The following RASGRP3 variants were observed in gnomAD, a reference collection of about 807,000 sequenced individuals.
RASGRP3 encodes the protein RAS guanyl releasing protein 3, also known as ras guanyl-releasing protein 3.
Under a neutral mutation model 82.7 loss-of-function variants are expected in RASGRP3, and 54 were observed. That is an observed-to-expected ratio of 0.65 (90% CI 0.52 to 0.82). The LOEUF is 0.82. RASGRP3 is among the 40% of genes least tolerant of loss of function. The probability of loss-of-function intolerance (pLI) is 0.00; values close to 1 mark genes in which losing one functional copy is unlikely to be tolerated. For synonymous variants in RASGRP3, 309 were observed against 300.5 expected (o/e 1.03, Z -0.29); for missense variants, 861 against 828.9 (o/e 1.04, Z -0.48).
At chr2:33,521,266 C>A (rs17013215) in intron 6 of RASGRP3, among the ~76,000 whole-genome samples, 6 of 151,960 alleles carry the variant, frequency 3.9e-5, no homozygotes, top group Non-Finnish European at 8.8e-5. Context: ...ATTAGGTAAC[C>A]GGTGCAATTA....
intron 2 of RASGRP3, among the ~76,000 whole-genome samples, chr2:33,450,909 C>G (rs1451335516): frequency 1.6e-5 from 2 of 124,980 alleles, no homozygotes; most frequent in South Asian, 5.6e-4. Context: ...ATGATCTCGG[C>G]TCACTGCAAA....
chr2:33,533,665 C>T (rs1418925071), intron 10 of RASGRP3: 1 of 152,274 alleles, frequency 6.6e-6, no homozygotes, highest in Non-Finnish European at 1.5e-5. Flanking sequence ...TGCTTGAACC[C>T]AGCCCTGCCT....
At chr2:33,497,658 A>T (rs1156431614) in intron 1 of RASGRP3, among the ~76,000 whole-genome samples, 1 of 152,216 alleles carries the variant, frequency 6.6e-6, no homozygotes, top group Admixed American at 6.5e-5. Flanking sequence ...TATCTACTGA[A>T]ATCTCCTGCT....
At position 33,477,366 on chromosome 2, in the gene RASGRP3, C is replaced by T. The variant is rs115271124; in HGVS notation, c.-261+659C>T. ...TTTTTCCCCCCAACAAGCTAATTCA[C>T]CTTCATTACTTTAAAATGTTCAGTT... On this transcript the variant is annotated intron_variant, in intron 1 of 17. Transcript: ENST00000403687. 4.4e-3 allele frequency among the ~76,000 whole-genome samples: 676 copies of T among 152,310 alleles called. 5 individuals carry two copies. The highest frequency in any genetic ancestry group is 0.016 in the African/African-American group (645 of 41,564).
intron 4 of RASGRP3, among the ~76,000 whole-genome samples, chr2:33,518,389 T>C (rs1481399208): frequency 6.6e-6 from 1 of 152,196 alleles, no homozygotes; most frequent in East Asian, 1.9e-4. Flanking sequence ...GTGCTTATCA[T>C]GAATGGAGCT....
At chr2:33,557,474 C>G (rs1272526065) in intron 15 of RASGRP3, among the ~76,000 whole-genome samples, 1 of 152,090 alleles carries the variant, frequency 6.6e-6, no homozygotes, top group Non-Finnish European at 1.5e-5. Context: ...CTTTGGGAGG[C>G]TGAGGTGGGT....
chr2:33,472,870 CAAAAAAAAA>C (rs57159320), upstream of RASGRP3, among the ~76,000 whole-genome samples: 1 of 68,080 alleles, frequency 1.5e-5, no homozygotes, highest in Non-Finnish European at 2.9e-5. Flanking sequence ...GACTCCGTCT[CAAAAAAAAA>C]AAAAAAAAAG....
chr2:33,459,874 C>T (rs1336521117), intron 2 of RASGRP3, among the ~76,000 whole-genome samples: 1 of 152,154 alleles, frequency 6.6e-6, no homozygotes, highest in Non-Finnish European at 1.5e-5. Context: ...TGAGTTCTCT[C>T]CAGTTCTCTC....
At position 33,558,434 on chromosome 2, in the gene RASGRP3, C is replaced by G. The variant is rs940519642; in HGVS notation, c.1705+98C>G. 13 of 1,562,960 alleles carry G rather than the reference C, an allele frequency of 8.3e-6. No homozygotes were observed. The Admixed American group carries it at 1.6e-4, about 19-fold the overall frequency. On this transcript the variant is annotated intron_variant, in intron 16 of 17. Transcript: ENST00000403687. Reference sequence around the variant, plus strand: ...TTCTGGGTCTAAACCCGGTCAGTCACTCTAAACGCTAAGGCCTTCTTTAGG... The same window carrying G: ...TTCTGGGTCTAAACCCGGTCAGTCAGTCTAAACGCTAAGGCCTTCTTTAGG...
Position 33,558,664 on chromosome 2 carries a change from A to T in RASGRP3, c.1706-8A>T. 6.4e-7 allele frequency: 1 copy of T among 1,574,592 alleles called. No homozygotes were observed. The highest frequency in any genetic ancestry group is 1.9e-5 in the Admixed American group (1 of 53,466). ...TGTCAAATAATCACCACCCTTTTTC[A>T]CTTCCAGCGCAGGATGAGGTGTTTG... On this transcript the variant is annotated splice_region_variant and splice_polypyrimidine_tract_variant and intron_variant, in intron 16 of 17. Coordinates refer to ENST00000403687, the MANE Select transcript of RASGRP3 (RefSeq NM_001139488.2).
At chr2:33,469,226 A>T (rs1666908802) in intron 2 of RASGRP3, among the ~76,000 whole-genome samples, 1 of 152,074 alleles carries the variant, frequency 6.6e-6, no homozygotes, top group African/African-American at 2.4e-5. Context: ...CCTTTACCAT[A>T]CGTATTTCAC....
intron 2 of RASGRP3, among the ~76,000 whole-genome samples, chr2:33,449,644 C>T (rs1014168557): frequency 6.6e-6 from 1 of 151,872 alleles, no homozygotes; most frequent in Admixed American, 6.6e-5. Flanking sequence ...CCTGTAGTCC[C>T]ACTCCTAGGG....
Position 33,439,323 on chromosome 2 carries a change from C to T in RASGRP3, c.-385+2732C>T, listed in dbSNP as rs569416583. On this transcript the variant is annotated intron_variant, in intron 1 of 18. Coordinates refer to the RASGRP3 transcript ENST00000402538. Reference sequence around the variant, plus strand: ...CCACCTAAGGAAGACCTGATCCAGACGGGCTTCATGGAGGCCTGAGGCTGA... The same window carrying T: ...CCACCTAAGGAAGACCTGATCCAGATGGGCTTCATGGAGGCCTGAGGCTGA... Among the ~76,000 whole-genome samples the T allele has an allele frequency of 1.5e-3, 222 of 152,222 alleles. 2 individuals are homozygous for T. Among genetic ancestry groups the T allele is most frequent in the Non-Finnish European group, 6.0e-4 (41 of 68,028 alleles).
At chr2:33,513,099 A>G (rs1671092678) in intron 2 of RASGRP3, among the ~76,000 whole-genome samples, 2 of 152,208 alleles carry the variant, frequency 1.3e-5, no homozygotes, top group Admixed American at 1.3e-4. Context: ...TGACTTTAAT[A>G]ATCTGCTTTC....
intron 17 of RASGRP3, among the ~76,000 whole-genome samples, chr2:33,560,778 C>G (rs1365483283): frequency 1.3e-5 from 2 of 152,208 alleles, no homozygotes; most frequent in Non-Finnish European, 2.9e-5. Context: ...TCTCTGAATT[C>G]AGAGGAGAAC....
At chr2:33,512,745 A>T (rs1379132008) in intron 2 of RASGRP3, among the ~76,000 whole-genome samples, 1 of 152,202 alleles carries the variant, frequency 6.6e-6, no homozygotes, top group Admixed American at 6.5e-5. Context: ...TCACCCATTA[A>T]TCCACTCGTT....
In RASGRP3 at chr2:33,527,289, AGAG is replaced by A. The variant is rs577557799; in HGVS notation, c.964_966del (p.Glu322del). The A allele has an allele frequency of 1.1e-3, 1,826 of 1,614,024 alleles. 23 individuals are homozygous for A. Among genetic ancestry groups the A allele is most frequent in the Non-Finnish European group, 1.1e-4 (127 of 1,179,878 alleles). ...TCCATGTCATTTTCCCAGACTGGAC[AGAG>A]GAGAACAAAGTGAACATTGTGAAAA... On this transcript the variant is annotated inframe_deletion, in exon 10 of 18. Transcript: ENST00000403687.
intron 14 of RASGRP3, among the ~76,000 whole-genome samples, chr2:33,554,459 A>G (rs1480222352): frequency 6.6e-6 from 1 of 152,112 alleles, no homozygotes; most frequent in African/African-American, 2.4e-5. Context: ...GGAGGCACAG[A>G]AGGGCATGGC....
chr2:33,442,642 G>C (rs952378595), intron 1 of RASGRP3, among the ~76,000 whole-genome samples: 2 of 152,170 alleles, frequency 1.3e-5, no homozygotes, highest in Non-Finnish European at 2.9e-5. Context: ...GCACTGGCCT[G>C]TTCTATGACT....
Sources: allele counts gnomAD v4.1 joint callset (sites outside exome capture counted in the v4.1 genomes callset), GRCh38; gene constraint gnomAD v4.1.1; transcripts MANE v1.5; gene names NCBI Gene and HGNC (gene_info 2026-07-23, HGNC 2026-07-21).